Variants in PRIM2 observed in about 807,000 individuals in gnomAD.
The protein encoded by PRIM2 is DNA primase large subunit.
Under a neutral mutation model 67.3 loss-of-function variants are expected in PRIM2, and 39 were observed. That is an observed-to-expected ratio of 0.58 (90% CI 0.45 to 0.76). The LOEUF is 0.76. PRIM2 is among the 30% of genes least tolerant of loss of function. The pLI, the probability that PRIM2 is intolerant of heterozygous loss-of-function variation, is 0.00. For synonymous variants in PRIM2, 143 were observed against 198.7 expected (o/e 0.72, Z 2.36); for missense variants, 398 against 598.7 (o/e 0.66, Z 3.50).
chr6:57,228,286 A>G, the PRIM2 span, among the ~76,000 whole-genome samples: 1 of 152,228 alleles, frequency 6.6e-6, no homozygotes, highest in African/African-American at 2.4e-5. Context: ...TAGAGCTTCC[A>G]TGTGCATCAG....
chr6:57,532,544 A>C (rs1256700448), intron 9 of PRIM2, 61 bp downstream of exon 9: 1 of 806,944 alleles, frequency 1.2e-6, no homozygotes, highest in Non-Finnish European at 1.9e-6. Context: ...AGATTTTCTT[A>C]AATCAAAGAC....
chr6:57,595,341 C>T, intron 10 of PRIM2, among the ~76,000 whole-genome samples: 1 of 152,124 alleles, frequency 6.6e-6, no homozygotes, highest in Non-Finnish European at 1.5e-5. Context: ...CAATTTTCTC[C>T]TACTGTACTC....
chr6:57,520,265 C>T (rs1483830475), intron 8 of PRIM2, among the ~76,000 whole-genome samples: 2 of 152,216 alleles, frequency 1.3e-5, no homozygotes, highest in Admixed American at 1.3e-4. Context: ...ATCTCAGTAG[C>T]ATTCCACATT....
the PRIM2 span, among the ~76,000 whole-genome samples, chr6:57,265,845 CT>C: frequency 6.6e-6 from 1 of 152,196 alleles, no homozygotes; most frequent in Non-Finnish European, 1.5e-5. Flanking sequence ...TCTGAGTACA[CT>C]TTTTCCTCAA....
rs1777047577 is a variant in PRIM2 at position 57,632,266 on chromosome 6, T to A, written c.1299+65T>A. 5.0e-6 allele frequency: 5 copies of A among 991,600 alleles called. No individual in the cohort carries two copies. The Admixed American group carries it at 1.4e-4, about 28-fold the overall frequency. The allele number at this position is 991,600 out of a possible 1,614,324, so 61.4% of individuals were successfully genotyped here. On this transcript the variant is annotated intron_variant, in intron 13 of 13. Transcript: ENST00000615550. ...TTTTGTTACTGTGTCACATTCAGGG[T>A]TTTTAGTTGCAGCAATGGAAACCAC...
In PRIM2 at chr6:57,535,860, A is replaced by G. The variant is rs1469405292; in HGVS notation, c.835-1580A>G. 7.4e-4 allele frequency among the ~76,000 whole-genome samples: 113 copies of G among 152,264 alleles called. 1 individual carries two copies. Among genetic ancestry groups the G allele is most frequent in the African/African-American group, 2.6e-3 (107 of 41,542 alleles). On this transcript the variant is annotated intron_variant, in intron 9 of 13. Coordinates refer to ENST00000615550, the MANE Select transcript of PRIM2 (RefSeq NM_000947.5). ...AGCCTGGGCAACAGAGTGAGATTCC[A>G]TCTCAAAAAAATAAAAAAAGAAGAA...
intron 7 of PRIM2, among the ~76,000 whole-genome samples, chr6:57,502,300 G>A (rs1411136946): frequency 1.3e-5 from 2 of 152,020 alleles, no homozygotes; most frequent in Admixed American, 6.6e-5. Context: ...TTCCATCCCT[G>A]ATATCAACCA....
the PRIM2 span, among the ~76,000 whole-genome samples, chr6:57,277,417 T>C: frequency 2.6e-5 from 4 of 152,156 alleles, no homozygotes; most frequent in African/African-American, 7.2e-5. Flanking sequence ...CAAATATATA[T>C]TGAACACTTC....
chr6:57,484,499 A>G (rs1360472672), intron 7 of PRIM2, among the ~76,000 whole-genome samples: 1 of 151,920 alleles, frequency 6.6e-6, no homozygotes, highest in Non-Finnish European at 1.5e-5. Context: ...AAAAATCCCA[A>G]CTCCTAACTG....
chr6:57,470,404 T>TC, intron 7 of PRIM2, among the ~76,000 whole-genome samples: 1 of 72,106 alleles, frequency 1.4e-5, no homozygotes, highest in South Asian at 6.6e-4. Flanking sequence ...TCTCCCCCTC[T>TC]CCCCTCTCCC....
At chr6:57,527,867 A>G (rs1407659956) in intron 8 of PRIM2, among the ~76,000 whole-genome samples, 1 of 152,136 alleles carries the variant, frequency 6.6e-6, no homozygotes, top group African/African-American at 2.4e-5. Context: ...TAACATCCTC[A>G]TTTCTATCAT....
chr6:57,504,140 G>A (rs1271501405), intron 7 of PRIM2, among the ~76,000 whole-genome samples: 2 of 152,176 alleles, frequency 1.3e-5, no homozygotes, highest in Non-Finnish European at 2.9e-5. Flanking sequence ...GACAAAGTTG[G>A]ATCAGGCACC....
chr6:57,437,538 C>G (rs1170256596), intron 7 of PRIM2, among the ~76,000 whole-genome samples: 1 of 151,614 alleles, frequency 6.6e-6, no homozygotes, highest in Admixed American at 6.6e-5. Context: ...GACACAGGAA[C>G]AAAAAGTTTT....
chr6:57,265,176 G>A, the PRIM2 span, among the ~76,000 whole-genome samples: 1 of 152,208 alleles, frequency 6.6e-6, no homozygotes, highest in Non-Finnish European at 1.5e-5. Context: ...CTATGGAGAA[G>A]CAGCTTAATC....
the PRIM2 span, among the ~76,000 whole-genome samples, chr6:57,299,417 T>C: frequency 6.6e-6 from 1 of 152,166 alleles, no homozygotes; most frequent in African/African-American, 2.4e-5. Context: ...TCTATACCCA[T>C]GGTTCTTTCT....
At chr6:57,395,588 T>A (rs968786460) in intron 7 of PRIM2, among the ~76,000 whole-genome samples, 7 of 152,180 alleles carry the variant, frequency 4.6e-5, no homozygotes, top group African/African-American at 1.4e-4. Flanking sequence ...GTCTATTAAT[T>A]GTATTTATCT....
chr6:57,512,798 T>C (rs1203130678), intron 8 of PRIM2, among the ~76,000 whole-genome samples: 2 of 152,116 alleles, frequency 1.3e-5, no homozygotes, highest in Non-Finnish European at 2.9e-5. Context: ...GGTTTCATCA[T>C]GTTGGCCAGA....
rs1420030152 is a variant in PRIM2, at chr6:57,572,864, A to G, written c.1021-28229A>G. ...AGCCTTTTTACAAATCACCTAATGT[A>G]GCTGCTTGGGAAAGGGCTCTCATCT... On this transcript the variant is annotated intron_variant, in intron 10 of 13. Transcript: ENST00000615550. Among the ~76,000 whole-genome samples the G allele has an allele frequency of 2.6e-5, 4 of 152,224 alleles. No individual in the cohort carries two copies. In the East Asian group the frequency reaches 7.7e-4, roughly 29 times the overall value.
chr6:57,291,202 T>C, the PRIM2 span, among the ~76,000 whole-genome samples: 1 of 152,046 alleles, frequency 6.6e-6, no homozygotes, highest in Admixed American at 6.6e-5. Flanking sequence ...TAAACTACCA[T>C]CAGAGAATAC....
Sources: gnomAD v4.1 joint callset for allele counts (sites outside exome capture counted in the v4.1 genomes callset) on GRCh38, gnomAD v4.1.1 for gene constraint, MANE v1.5 for transcripts, NCBI Gene and HGNC (gene_info 2026-07-23, HGNC 2026-07-21) for gene names.